SDK1: variants seen among roughly 807,000 people sequenced by gnomAD.
SDK1 encodes the protein protein sidekick-1.
A neutral mutation model predicts 245.5 loss-of-function variants in SDK1; 157 were observed. That is an observed-to-expected ratio of 0.64 (90% CI 0.56 to 0.73). SDK1 has a LOEUF of 0.73. SDK1 is among the 30% of genes least tolerant of loss of function. The pLI is 0.00. For missense variants in SDK1, 3,583 were observed against 3,002.3 expected, an observed-to-expected ratio of 1.19 and a Z score of -4.52; for synonymous variants, 1,647 against 1,278.5, an observed-to-expected ratio of 1.29 and a Z score of -6.15.
chr7:3,346,078 A>G (rs1246361675), intron 1 of SDK1, among the ~76,000 whole-genome samples: 1 of 152,202 alleles, frequency 6.6e-6, no homozygotes, highest in Admixed American at 6.5e-5. Flanking sequence ...TTAGAGTCTC[A>G]GTTTTTCCAC....
intron 1 of SDK1, among the ~76,000 whole-genome samples, chr7:3,600,558 T>G (rs113898483): frequency 3.7e-4 from 37 of 100,052 alleles, no homozygotes; most frequent in South Asian, 2.2e-3. Context: ...GTAGTTTTTT[T>G]TTTTTTTTTT....
chr7:3,525,251 C>A (rs529235881), intron 1 of SDK1, among the ~76,000 whole-genome samples: 1 of 151,824 alleles, frequency 6.6e-6, no homozygotes, highest in Non-Finnish European at 1.5e-5. Flanking sequence ...TATGCCTGTA[C>A]GTGATGATGG....
intron 1 of SDK1, among the ~76,000 whole-genome samples, chr7:3,493,423 G>A (rs1293334423): frequency 6.6e-6 from 1 of 152,158 alleles, no homozygotes; most frequent in African/African-American, 2.4e-5. Context: ...GATGCTTATA[G>A]TTTTGTTCTC....
At chr7:3,329,444 C>T (rs1311696757) in intron 1 of SDK1, among the ~76,000 whole-genome samples, 5 of 152,134 alleles carry the variant, frequency 3.3e-5, no homozygotes, top group Non-Finnish European at 5.9e-5. Flanking sequence ...ATTTAGAGTT[C>T]AGAGTTGTGC....
intron 1 of SDK1, among the ~76,000 whole-genome samples, chr7:3,552,196 C>G (rs765773324): frequency 6.6e-6 from 1 of 152,086 alleles, no homozygotes; most frequent in Admixed American, 6.6e-5. Context: ...CACCACCAAG[C>G]CTGGCTAATT....
At chr7:4,107,339 C>T (rs914989712) in intron 22 of SDK1, among the ~76,000 whole-genome samples, 3 of 152,092 alleles carry the variant, frequency 2.0e-5, no homozygotes, top group Admixed American at 2.0e-4. Context: ...CCGGGAAAAG[C>T]GCCCACCGGT....
chr7:4,135,743 G>T (rs1331639511), intron 28 of SDK1, among the ~76,000 whole-genome samples: 1 of 152,218 alleles, frequency 6.6e-6, no homozygotes, highest in Non-Finnish European at 1.5e-5. Context: ...TTAGAACAGT[G>T]CCTGCCACAT....
intron 1 of SDK1, among the ~76,000 whole-genome samples, chr7:3,505,208 AT>A (rs200818234): frequency 9.9e-5 from 15 of 150,918 alleles, no homozygotes; most frequent in African/African-American, 2.2e-4. Flanking sequence ...AATTAAACCT[AT>A]TTTTTTTTGA....
intron 12 of SDK1, 120 bp from the exon 13 acceptor site, chr7:3,974,249 C>A: frequency 8.5e-6 from 6 of 708,016 alleles, no homozygotes; most frequent in African/African-American, 1.8e-5. Flanking sequence ...GAGCACAGTT[C>A]AGTGGTTTTT....
At chr7:4,263,705 C>T (rs1788225106) in intron 44 of SDK1, among the ~76,000 whole-genome samples, 1 of 6,250 alleles carries the variant, frequency 1.6e-4, no homozygotes, top group Non-Finnish European at 2.8e-4. Flanking sequence ...AGGGAGGCCG[C>T]GTAGACCTCT....
At chr7:3,408,512 C>T (rs1295821016) in intron 1 of SDK1, among the ~76,000 whole-genome samples, 2 of 152,158 alleles carry the variant, frequency 1.3e-5, no homozygotes, top group Non-Finnish European at 2.9e-5. Flanking sequence ...AAATTTCATA[C>T]AGCATGCCAT....
In SDK1 at chr7:4,046,526, A is replaced by C. The variant is rs540320347; in HGVS notation, c.2603-2822A>C. ...TAGATTTTGTCTTATTTTGTGAATG[A>C]ATGTCTAATATTTCCAGCACCATTT... On this transcript the variant is annotated intron_variant, in intron 17 of 44. Coordinates refer to ENST00000404826, the MANE Select transcript of SDK1 (RefSeq NM_152744.4). 2.6e-5 allele frequency among the ~76,000 whole-genome samples: 4 copies of C among 152,282 alleles called. No homozygotes were observed. In the South Asian group the frequency reaches 8.3e-4, roughly 32 times the overall value.
At position 4,176,786 on chromosome 7, in the gene SDK1, G is replaced by A. The variant is rs117889891; in HGVS notation, c.4996+952G>A. 4.5e-3 allele frequency among the ~76,000 whole-genome samples: 682 copies of A among 152,268 alleles called. 4 individuals carry two copies. The highest frequency in any genetic ancestry group is 7.3e-3 in the Non-Finnish European group (498 of 68,026). ...GTTTCATGAGCTTAACGTCTTCAAG[G>A]TCCAAGCACGTGAGAGCAGGCATCA... On this transcript the variant is annotated intron_variant, in intron 34 of 44. Coordinates refer to ENST00000404826, the MANE Select transcript of SDK1 (RefSeq NM_152744.4).
chr7:4,255,914 CTTTTTTTT>C (rs34810935), intron 44 of SDK1, among the ~76,000 whole-genome samples: 2 of 104,102 alleles, frequency 1.9e-5, no homozygotes, highest in African/African-American at 4.4e-5. Flanking sequence ...TTTCCAAATA[CTTTTTTTT>C]TTTTTTTTTT....
At chr7:4,009,015 C>T (rs530059684) in intron 14 of SDK1, among the ~76,000 whole-genome samples, 1 of 152,338 alleles carries the variant, frequency 6.6e-6, no homozygotes, top group African/African-American at 2.4e-5. Context: ...TTCAGAACAA[C>T]CGCGAAATGG....
chr7:3,426,347 C>T (rs960096285), intron 1 of SDK1, among the ~76,000 whole-genome samples: 2 of 152,158 alleles, frequency 1.3e-5, no homozygotes, highest in African/African-American at 4.8e-5. Context: ...ACTGGATGGG[C>T]AGGGTGAGAG....
At chr7:3,672,633 T>C (rs1004985837) in intron 4 of SDK1, among the ~76,000 whole-genome samples, 1 of 140,832 alleles carries the variant, frequency 7.1e-6, no homozygotes, top group Admixed American at 7.4e-5. Context: ...TAATAATATA[T>C]ATTAAATATA....
intron 43 of SDK1, among the ~76,000 whole-genome samples, chr7:4,244,798 C>T (rs901454140): frequency 6.6e-6 from 1 of 152,172 alleles, no homozygotes; most frequent in African/African-American, 2.4e-5. Context: ...GCATGCATTT[C>T]CTTGTGGCCG....
chr7:4,008,979 G>T (rs1461085357), intron 14 of SDK1, among the ~76,000 whole-genome samples: 1 of 152,202 alleles, frequency 6.6e-6, no homozygotes, highest in Non-Finnish European at 1.5e-5. Flanking sequence ...CCATACTGTT[G>T]TCTGTAGCGG....
Sources: gnomAD v4.1 joint callset for allele counts (sites outside exome capture counted in the v4.1 genomes callset) on GRCh38, gnomAD v4.1.1 for gene constraint, MANE v1.5 for transcripts, NCBI Gene and HGNC (gene_info 2026-07-23, HGNC 2026-07-21) for gene names.